Variants in CMC1 observed in about 807,000 individuals in gnomAD.
The protein encoded by CMC1 is C-X9-C motif containing 1, also known as COX assembly mitochondrial protein homolog.
A neutral mutation model predicts 14.1 loss-of-function variants in CMC1; 14 were observed. That is an observed-to-expected ratio of 0.99 (90% confidence interval 0.66 to 1.55). The LOEUF is 1.55. CMC1 is among the 40% of genes most tolerant of loss of function. The pLI is 0.00. For missense variants in CMC1, 127 were observed against 123.8 expected (o/e 1.03, Z -0.12); for synonymous variants, 50 against 38.4 (o/e 1.30, Z -1.12).
In CMC1 at chr3:28,283,641, G is replaced by A. The variant is rs958951584; in HGVS notation, c.109+20261G>A. Among the ~76,000 whole-genome samples the A allele has an allele frequency of 2.6e-4, 40 of 151,496 alleles. 1 individual carries two copies. The highest frequency in any genetic ancestry group is 9.7e-4 in the African/African-American group (40 of 41,306). On this transcript the variant is annotated intron_variant, in intron 2 of 3. Coordinates refer to ENST00000466830, the MANE Select transcript of CMC1 (RefSeq NM_182523.2). ...TTATAGTTGTCTTTTTAAGCCTATTGGGTCCTTGAGCATTTTATGTGGTGA... is the reference window on the plus strand; with the variant it reads ...TTATAGTTGTCTTTTTAAGCCTATTAGGTCCTTGAGCATTTTATGTGGTGA...
intron 2 of CMC1, among the ~76,000 whole-genome samples, chr3:28,308,050 C>A (rs1330867385): frequency 6.6e-6 from 1 of 152,122 alleles, no homozygotes; most frequent in Non-Finnish European, 1.5e-5. Context: ...CTTTTAAAGA[C>A]CCTTGTGATT....
chr3:28,278,007 A>AT (rs1464664600), intron 2 of CMC1, among the ~76,000 whole-genome samples: 1 of 102,786 alleles, frequency 9.7e-6, no homozygotes, highest in African/African-American at 3.7e-5. Context: ...AATAGGTGGA[A>AT]TAGGGACAAG....
chr3:28,277,260 C>T (rs1700630162), intron 2 of CMC1, among the ~76,000 whole-genome samples: 2 of 152,208 alleles, frequency 1.3e-5, no homozygotes, highest in African/African-American at 4.8e-5. Context: ...TTGGTTGTCT[C>T]CATTGTATTT....
intron 2 of CMC1, chr3:28,297,035 C>G (rs1277598666): frequency 1.3e-5 from 2 of 152,022 alleles, no homozygotes; most frequent in African/African-American, 4.8e-5. Flanking sequence ...TTCTTGCCAT[C>G]TTTCCAGAAT....
chr3:28,292,963 A>T (rs1164652877), intron 2 of CMC1: 3 of 152,226 alleles, frequency 2.0e-5, no homozygotes, highest in Non-Finnish European at 4.4e-5. Flanking sequence ...GCATGTATCC[A>T]GGTAAATTTT....
intron 1 of CMC1, among the ~76,000 whole-genome samples, chr3:28,261,920 G>A (rs1699756226): frequency 6.6e-6 from 1 of 152,146 alleles, no homozygotes; most frequent in South Asian, 2.1e-4. Context: ...TGAGTATTAA[G>A]TGGACCCCCA....
At chr3:28,292,829 C>T (rs759331423) in intron 2 of CMC1, 2 of 152,170 alleles carry the variant, frequency 1.3e-5, no homozygotes, top group Non-Finnish European at 2.9e-5. Context: ...GATTGCGACA[C>T]TGATAATTAA....
chr3:28,249,878 A>G (rs1223102041), intron 1 of CMC1, among the ~76,000 whole-genome samples: 1 of 152,174 alleles, frequency 6.6e-6, no homozygotes, highest in Admixed American at 6.5e-5. Context: ...GTTGCTGACA[A>G]GGACTCTCTT....
intron 2 of CMC1, 124 bp downstream of exon 2, chr3:28,263,504 G>A (rs1434479362): frequency 4.5e-5 from 25 of 558,340 alleles, no homozygotes; most frequent in South Asian, 2.3e-4. Context: ...TCACCCTTTC[G>A]CTGAAATACC....
chr3:28,257,431 T>C (rs1699471787), intron 1 of CMC1, among the ~76,000 whole-genome samples: 1 of 152,170 alleles, frequency 6.6e-6, no homozygotes, highest in Non-Finnish European at 1.5e-5. Context: ...ACAAATAGTA[T>C]CATTGTTTTT....
At chr3:28,290,951 CTCA>C (rs1701440391) in intron 2 of CMC1, among the ~76,000 whole-genome samples, 1 of 151,914 alleles carries the variant, frequency 6.6e-6, no homozygotes, top group Admixed American at 6.6e-5. Context: ...GGTCTGTGGT[CTCA>C]TCTGAAACCT....
In CMC1 at chr3:28,319,988, A is replaced by C. The variant is rs1703135472; in HGVS notation, c.*359A>C. 1 of 162,472 alleles carries C rather than the reference A, an allele frequency of 6.2e-6. No homozygotes were observed. The allele number at this position is 162,472 out of a possible 1,614,324, so 10.1% of individuals were successfully genotyped here. A position where few individuals can be genotyped will look rare whatever the true frequency, so the allele number is the denominator to read the frequency against. On this transcript the variant is annotated 3_prime_UTR_variant, in exon 4 of 4. Coordinates refer to ENST00000466830, the MANE Select transcript of CMC1 (RefSeq NM_182523.2). ...AAACTAAAGAAAAGCAGGAATGGAC[A>C]ACCTTCAAAGGTGTTAATAATAACT...
intron 2 of CMC1, among the ~76,000 whole-genome samples, chr3:28,314,772 G>T (rs1333810495): frequency 6.6e-6 from 1 of 151,422 alleles, no homozygotes. Flanking sequence ...CCCCCCTAAT[G>T]AATTTTTTAT....
chr3:28,283,358 A>G lies in CMC1; in HGVS notation c.109+19978A>G, dbSNP rs747145851. ...GCGAAACCCCATCTCTACTAAAAAT[A>G]AAAAAAAAAAATTAGCCAGGTGTCA... is the stretch of plus-strand genomic sequence containing the variant. On this transcript the variant is annotated intron_variant, in intron 2 of 3. Transcript: ENST00000466830. Among the ~76,000 whole-genome samples the G allele has an allele frequency of 5.5e-4, 75 of 136,258 alleles. 1 individual carries two copies. The highest frequency in any genetic ancestry group is 1.6e-3 in the South Asian group (7 of 4,470). The allele number at this position is 136,258 out of a possible 152,430, so 89.4% of individuals were successfully genotyped here.
At chr3:28,276,733 A>G (rs1455138748) in intron 2 of CMC1, among the ~76,000 whole-genome samples, 1 of 152,226 alleles carries the variant, frequency 6.6e-6, no homozygotes, top group Non-Finnish European at 1.5e-5. Context: ...ACAGATAATC[A>G]TATTTTACTG....
At chr3:28,258,824 T>C (rs1245318363) in intron 1 of CMC1, among the ~76,000 whole-genome samples, 5 of 151,650 alleles carry the variant, frequency 3.3e-5, no homozygotes, top group South Asian at 2.1e-4. Context: ...AGGGTTTCAC[T>C]GTGTTAGCCA....
intron 2 of CMC1, among the ~76,000 whole-genome samples, chr3:28,284,589 C>T (rs1701074260): frequency 6.6e-6 from 1 of 152,116 alleles, no homozygotes; most frequent in Admixed American, 6.6e-5. Flanking sequence ...GCCAAAGGAA[C>T]AGAATGTCTC....
At chr3:28,302,400 A>G (rs1363538436) in intron 2 of CMC1, among the ~76,000 whole-genome samples, 2 of 152,050 alleles carry the variant, frequency 1.3e-5, no homozygotes, top group Non-Finnish European at 2.9e-5. Context: ...AACATTGGAG[A>G]CTATGTGGGA....
chr3:28,289,011 A>G (rs552271601), intron 2 of CMC1, among the ~76,000 whole-genome samples: 1 of 151,680 alleles, frequency 6.6e-6, no homozygotes, highest in South Asian at 2.1e-4. Context: ...TTAAAAACAT[A>G]TTTCCAATCA....
Sources: gnomAD v4.1 joint callset for allele counts (sites outside exome capture counted in the v4.1 genomes callset) on GRCh38, gnomAD v4.1.1 for gene constraint, MANE v1.5 for transcripts, NCBI Gene and HGNC (gene_info 2026-07-23, HGNC 2026-07-21) for gene names.